The following ANKRD52 variants were observed in gnomAD, a reference collection of about 807,000 sequenced individuals.
The protein encoded by ANKRD52 is serine/threonine-protein phosphatase 6 regulatory ankyrin repeat subunit C.
In ANKRD52, 7 loss-of-function variants were observed where a neutral mutation model predicts 116.0. The observed-to-expected ratio is 0.06, with a 90% CI of 0.03 to 0.11. ANKRD52 has a LOEUF of 0.11. ANKRD52 is among the 10% of genes least tolerant of loss of function. The pLI is 1.00. For synonymous variants in ANKRD52, 528 were observed against 578.1 expected (o/e 0.91, Z 1.24); for missense variants, 839 against 1,408.6 (o/e 0.60, Z 6.47).
Position 56,255,192 on chromosome 12 carries a change from T to TA in ANKRD52, c.463-241_463-240insT. 1.3e-5 allele frequency: 5 copies of TA among 377,656 alleles called. No homozygotes were observed. Among genetic ancestry groups the TA allele is most frequent in the Non-Finnish European group, 1.4e-5 (3 of 210,068 alleles). 23.4% of individuals were successfully genotyped at this position (377,656 alleles called of 1,614,324 possible). Reference sequence around the variant, plus strand: ...TCAGGTGATCTGGTGGTTCTTAAACTCTTTTTTTTTTTTTTTTTGAGACAG... The same window carrying TA: ...TCAGGTGATCTGGTGGTTCTTAAACTACTTTTTTTTTTTTTTTTTGAGACAG... On this transcript the variant is annotated intron_variant, in intron 5 of 27. Transcript: ENST00000267116. The surrounding 1 kb of genome is among the most constrained non-coding windows in gnomAD (Gnocchi z 4.3).
At chr12:56,250,481 A>G (rs970680875) in intron 15 of ANKRD52, among the ~76,000 whole-genome samples, 2 of 151,304 alleles carry the variant, frequency 1.3e-5, no homozygotes, top group African/African-American at 4.9e-5. Flanking sequence ...GGTTTGCATG[A>G]TCCTCTTGCC....
Position 56,252,787 on chromosome 12 carries a change from A to C in ANKRD52, c.1294T>G (p.Ser432Ala), listed in dbSNP as rs770101409. 5 of 1,613,470 alleles carry C rather than the reference A, an allele frequency of 3.1e-6. No individual in the cohort carries two copies. The highest frequency in any genetic ancestry group is 3.3e-5 in the Admixed American group (2 of 59,996). The change falls in exon 12 of 28, where the codon TCC (serine) becomes GCC (alanine). Residue 432 changes from serine (S) to alanine (A), a missense_variant. By Grantham distance (99) the Ser-to-Ala change is moderately conservative. Transcript: ENST00000267116. The surrounding 1 kb of genome is among the most constrained non-coding windows in gnomAD (Gnocchi z 4.7). ...LGRTCLHAAA[S>A]GGNVECLNLL... ...GAGAGAAAGAGAACTCACCCTCCGG[A>C]AGCAGCAGCATGAAGACAGGTACGG...
chr12:56,255,805 T>G lies in ANKRD52; in HGVS notation c.441A>C (p.Ala147=). 6.3e-7 allele frequency: 1 copy of G among 1,581,482 alleles called. No homozygotes were observed. The highest frequency in any genetic ancestry group is 8.6e-7 in the Non-Finnish European group (1 of 1,163,592). The change falls in exon 5 of 28, where the codon GCA becomes GCC. Residue 147 remains alanine, a synonymous_variant. Coordinates refer to ENST00000267116, the MANE Select transcript of ANKRD52 (RefSeq NM_173595.4). This position sits in a 1 kb window ranked among gnomAD's most constrained non-coding sequence, Gnocchi z 4.3. Reference sequence around the variant, plus strand: ...TCACCTCAAGATGCCCACTATGCACTGCATGGTGCAGAGCACTGCGCCCGC... The same window carrying G: ...TCACCTCAAGATGCCCACTATGCACGGCATGGTGCAGAGCACTGCGCCCGC... The part of the protein sequence containing the change: ...DRSGRSALHH[A]VHSGHLETVN...
At chr12:56,257,256 C>T (rs758445294) in intron 3 of ANKRD52, 27 bp downstream of exon 3, 20 of 1,575,698 alleles carry the variant, frequency 1.3e-5, no homozygotes, top group Non-Finnish European at 1.7e-5. Flanking sequence ...TCCCTATGTG[C>T]CACACCTTCC....
In ANKRD52 at chr12:56,247,924, C is replaced by G. The variant is rs370898447; in HGVS notation, c.1978+99G>C. 56 of 1,375,480 alleles carry G rather than the reference C, an allele frequency of 4.1e-5. No individual in the cohort carries two copies. The Middle Eastern group carries it at 6.4e-4, about 16-fold the overall frequency. The allele number at this position is 1,375,480 out of a possible 1,614,324, so 85.2% of individuals were successfully genotyped here. On this transcript the variant is annotated intron_variant, in intron 18 of 27. Transcript: ENST00000267116. ...GAAGCTATGAATCAGGGCTTGAAGT[C>G]TCCATTCTCCTCACCCTACTCCACT...
At position 56,253,345 on chromosome 12, in the gene ANKRD52, C is replaced by T. The variant is rs763683243; in HGVS notation, c.1043G>A (p.Arg348Gln). Residue 348 changes from arginine to glutamine, a missense_variant, in exon 10 of 28, where the codon CGA becomes CAA. Physicochemically the swap from Arg to Gln is conservative, Grantham distance 43. Coordinates refer to ENST00000267116, the MANE Select transcript of ANKRD52 (RefSeq NM_173595.4). This position sits in a 1 kb window ranked among gnomAD's most constrained non-coding sequence, Gnocchi z 5.5. ...FGNTPLHVAA[R>Q]YGHELLISTL... Reference sequence around the variant, plus strand: ...GCTGATGAGCAGCTCGTGTCCATATCGAGCAGCCACATGCAGTGGCGTGTT... The same window carrying T: ...GCTGATGAGCAGCTCGTGTCCATATTGAGCAGCCACATGCAGTGGCGTGTT... 14 of 1,613,834 alleles carry T rather than the reference C, an allele frequency of 8.7e-6. No homozygotes were observed. The highest frequency in any genetic ancestry group is 5.5e-5 in the South Asian group (5 of 91,088).
In ANKRD52 at chr12:56,241,034, A is replaced by G. The variant is rs1199061964; in HGVS notation, c.*2108T>C. ...GAATGGGAAGATTTCAGGAGAGAGA[A>G]TTGAAGGGAAGGCAAGCTTTGCAGA... On this transcript the variant is annotated 3_prime_UTR_variant, in exon 28 of 28. Transcript: ENST00000267116. 6.6e-6 allele frequency: 1 copy of G among 152,122 alleles called. No homozygotes were observed. Among genetic ancestry groups the G allele is most frequent in the Non-Finnish European group, 1.5e-5 (1 of 68,046 alleles). 9.4% of individuals were successfully genotyped at this position (152,122 alleles called of 1,614,324 possible).
At position 56,247,580 on chromosome 12, in the gene ANKRD52, G is replaced by A; in HGVS notation, c.2097C>T (p.Gly699=). Residue 699 remains glycine (G), a synonymous_variant, in exon 20 of 28, where the codon GGC becomes GGT. Transcript: ENST00000267116. ...GCAGCAGATGTACACAGTCCACATG[G>A]CCATTCATGATGGCCAGCATCAGTG... is the stretch of plus-strand genomic sequence containing the variant. ...QTPLMLAIMN[G]HVDCVHLLLE... The A allele has an allele frequency of 1.9e-6, 3 of 1,594,484 alleles. No homozygotes were observed. Among genetic ancestry groups the A allele is most frequent in the Non-Finnish European group, 2.6e-6 (3 of 1,169,882 alleles).
At chr12:56,257,236 C>T in intron 3 of ANKRD52, 47 bp downstream of exon 3, 2 of 1,555,300 alleles carry the variant, frequency 1.3e-6, no homozygotes, top group Non-Finnish European at 1.7e-6. Flanking sequence ...GACTCCTCCC[C>T]TCCCTTCGCT....
Position 56,253,593 on chromosome 12 carries a change from G to A in ANKRD52, c.985+129C>T. The stretch of plus-strand genomic sequence containing the variant: ...GCAGGGCCATTTCCACAGGTCCCTT[G>A]GTCAGAGTTCCAAGGGCCTATCCTA... On this transcript the variant is annotated intron_variant, in intron 9 of 27. Coordinates refer to ENST00000267116, the MANE Select transcript of ANKRD52 (RefSeq NM_173595.4). This position sits in a 1 kb window ranked among gnomAD's most constrained non-coding sequence, Gnocchi z 5.5. 1 of 1,073,978 alleles carries A rather than the reference G, an allele frequency of 9.3e-7. No individual in the cohort carries two copies. Among genetic ancestry groups the A allele is most frequent in the South Asian group, 1.5e-5 (1 of 66,902 alleles). 66.5% of individuals were successfully genotyped at this position (1,073,978 alleles called of 1,614,324 possible).
chr12:56,253,401 G>A lies in ANKRD52; in HGVS notation c.987C>T (p.Gly329=). 1 of 1,611,680 alleles carries A rather than the reference G, an allele frequency of 6.2e-7. No individual in the cohort carries two copies. Among genetic ancestry groups the A allele is most frequent in the Non-Finnish European group, 8.5e-7 (1 of 1,178,168 alleles). ...ATTTGTCGGCACAATCAATCTCGCT[G>A]CCTGTGAGGGGATGCACACACACAA... ...FTRSQILIQN[G]SEIDCADKFG... Residue 329 remains glycine (G), a splice_region_variant and synonymous_variant, in exon 10 of 28, where the codon GGC becomes GGT. Coordinates refer to ENST00000267116, the MANE Select transcript of ANKRD52 (RefSeq NM_173595.4). This position sits in a 1 kb window ranked among gnomAD's most constrained non-coding sequence, Gnocchi z 5.5.
rs1007450932 is a variant in ANKRD52, at chr12:56,244,200, T to C, written c.2806-67A>G. On this transcript the variant is annotated intron_variant, in intron 25 of 27. Coordinates refer to ENST00000267116, the MANE Select transcript of ANKRD52 (RefSeq NM_173595.4). The surrounding 1 kb of genome is among the most constrained non-coding windows in gnomAD (Gnocchi z 4.9). ...ATGTGGCAGGGTGCAGGGCAGGAGT[T>C]GGGGAGAGTAACAGGAGGACAAACA... 3.2e-6 allele frequency: 5 copies of C among 1,579,064 alleles called. No individual in the cohort carries two copies. The highest frequency in any genetic ancestry group is 4.4e-6 in the Non-Finnish European group (5 of 1,148,834).
Position 56,248,457 on chromosome 12 carries a change from G to A in ANKRD52, c.1776+38C>T. Reference sequence around the variant, plus strand: ...CTTTGTTAGGGCCTGGGAACAGGTAGGACAAGGAAGGCAACAGAAAAAAGA... The same window carrying A: ...CTTTGTTAGGGCCTGGGAACAGGTAAGACAAGGAAGGCAACAGAAAAAAGA... On this transcript the variant is annotated intron_variant, in intron 17 of 27. Coordinates refer to ENST00000267116, the MANE Select transcript of ANKRD52 (RefSeq NM_173595.4). This position sits in a 1 kb window ranked among gnomAD's most constrained non-coding sequence, Gnocchi z 5.1. 1.3e-6 allele frequency: 2 copies of A among 1,562,242 alleles called. No homozygotes were observed.
rs1871192262 is a variant in ANKRD52 at position 56,242,079 on chromosome 12, C to T, written c.*1063G>A. Reference sequence around the variant, plus strand: ...TCAGGAGTGACTGGGGCAGTGGGTACTCTTGGACATAACGGAAGGTGGAGG... The same window carrying T: ...TCAGGAGTGACTGGGGCAGTGGGTATTCTTGGACATAACGGAAGGTGGAGG... On this transcript the variant is annotated 3_prime_UTR_variant, in exon 28 of 28. Transcript: ENST00000267116. The surrounding 1 kb of genome is among the most constrained non-coding windows in gnomAD (Gnocchi z 4.3). 2 of 398,626 alleles carry T rather than the reference C, an allele frequency of 5.0e-6. No homozygotes were observed. The highest frequency in any genetic ancestry group is 4.4e-6 in the Non-Finnish European group (1 of 226,114). 24.7% of individuals were successfully genotyped at this position (398,626 alleles called of 1,614,324 possible).
intron 2 of ANKRD52, among the ~76,000 whole-genome samples, 186 bp from the exon 3 acceptor site, chr12:56,257,547 G>T (rs1872016212): frequency 6.6e-6 from 1 of 152,116 alleles, no homozygotes. Flanking sequence ...GGGCCAATGG[G>T]CTGAGAAGCC....
At position 56,242,411 on chromosome 12, in the gene ANKRD52, A is replaced by T; in HGVS notation, c.*731T>A. On this transcript the variant is annotated 3_prime_UTR_variant, in exon 28 of 28. Transcript: ENST00000267116. This position sits in a 1 kb window ranked among gnomAD's most constrained non-coding sequence, Gnocchi z 4.3. ...GTGCGTGGTTAGGGGCCAGGCTAGGAGTGGGAGGGAATGGGGAGGGGGCAG... is the reference window on the plus strand; with the variant it reads ...GTGCGTGGTTAGGGGCCAGGCTAGGTGTGGGAGGGAATGGGGAGGGGGCAG... 4 of 325,148 alleles carry T rather than the reference A, an allele frequency of 1.2e-5. No homozygotes were observed. The highest frequency in any genetic ancestry group is 1.7e-5 in the Non-Finnish European group (3 of 180,094). 20.1% of individuals were successfully genotyped at this position (325,148 alleles called of 1,614,324 possible).
In ANKRD52 at chr12:56,244,160, A is replaced by G. The variant is rs1309884292; in HGVS notation, c.2806-27T>C. ...TGAGGGAGGGGAACAGAGAGTGGAGACTTGTGAAGTAGAAATGTGGCAGGG... is the reference window on the plus strand; with the variant it reads ...TGAGGGAGGGGAACAGAGAGTGGAGGCTTGTGAAGTAGAAATGTGGCAGGG... On this transcript the variant is annotated intron_variant, in intron 25 of 27. Coordinates refer to ENST00000267116, the MANE Select transcript of ANKRD52 (RefSeq NM_173595.4). This position sits in a 1 kb window ranked among gnomAD's most constrained non-coding sequence, Gnocchi z 4.9. The G allele has an allele frequency of 1.2e-6, 2 of 1,611,472 alleles. No individual in the cohort carries two copies. Among genetic ancestry groups the G allele is most frequent in the African/African-American group, 1.3e-5 (1 of 74,832 alleles).
At position 56,252,739 on chromosome 12, in the gene ANKRD52, A is replaced by T. The variant is rs1871762945; in HGVS notation, c.1301+41T>A. 4 of 1,597,920 alleles carry T rather than the reference A, an allele frequency of 2.5e-6. No individual in the cohort carries two copies. The South Asian group carries it at 3.3e-5, about 13-fold the overall frequency. ...GAATGAGGGGCCCAGACCTTTGCCCAGCTCCCTGCTCAAAGCATGGGAGAG... is the reference window on the plus strand; with the variant it reads ...GAATGAGGGGCCCAGACCTTTGCCCTGCTCCCTGCTCAAAGCATGGGAGAG... On this transcript the variant is annotated intron_variant, in intron 12 of 27. Transcript: ENST00000267116. The surrounding 1 kb of genome is among the most constrained non-coding windows in gnomAD (Gnocchi z 4.7).
At chr12:56,257,769 G>T in intron 2 of ANKRD52, 59 bp downstream of exon 2, 1 of 1,546,392 alleles carries the variant, frequency 6.5e-7, no homozygotes, top group Non-Finnish European at 8.9e-7. Context: ...CGGTGGGGAG[G>T]GGTCCAGAAC....
Sources: allele counts gnomAD v4.1 joint callset (sites outside exome capture counted in the v4.1 genomes callset), GRCh38; gene constraint gnomAD v4.1.1; non-coding constraint Gnocchi (gnomAD v3.1); transcripts MANE v1.5; gene names NCBI Gene and HGNC (gene_info 2026-07-23, HGNC 2026-07-21).